Variants in DNER observed in about 807,000 individuals in gnomAD.
DNER encodes delta and Notch-like epidermal growth factor-related receptor.
A neutral mutation model predicts 78.2 loss-of-function variants in DNER; 33 were observed. The observed-to-expected ratio is 0.42, with a 90% CI of 0.32 to 0.56. DNER has a LOEUF of 0.56. DNER is among the 20% of genes least tolerant of loss of function. The pLI, the probability that DNER is intolerant of heterozygous loss-of-function variation, is 0.11. For synonymous variants in DNER, 417 were observed against 384.8 expected (o/e 1.08, Z -0.98); for missense variants, 918 against 975.3 (o/e 0.94, Z 0.78).
At chr2:229,551,561 G>A (rs946925283) in intron 4 of DNER, among the ~76,000 whole-genome samples, 2 of 152,142 alleles carry the variant, frequency 1.3e-5, no homozygotes, top group Non-Finnish European at 2.9e-5. Flanking sequence ...TTGAACGCAG[G>A]AGGCAGAGGT....
chr2:229,544,576 A>T (rs964008499), intron 5 of DNER, among the ~76,000 whole-genome samples: 10 of 151,860 alleles, frequency 6.6e-5, no homozygotes. Context: ...CTTGTTGCCC[A>T]GGCTGGAGGC....
chr2:229,672,974 G>A (rs1380415143), intron 1 of DNER, among the ~76,000 whole-genome samples: 2 of 152,190 alleles, frequency 1.3e-5, no homozygotes, highest in Non-Finnish European at 2.9e-5. Flanking sequence ...CGTTTTGAGA[G>A]CCGCCCTGTG....
At chr2:229,398,828 G>GA (rs1244938111) in intron 10 of DNER, among the ~76,000 whole-genome samples, 2 of 151,514 alleles carry the variant, frequency 1.3e-5, no homozygotes, top group South Asian at 2.1e-4. Flanking sequence ...ACAAGCCAAA[G>GA]AAAAAAATCA....
intron 1 of DNER, among the ~76,000 whole-genome samples, chr2:229,635,895 C>T (rs1698523288): frequency 6.6e-6 from 1 of 151,630 alleles, no homozygotes; most frequent in Admixed American, 6.6e-5. Context: ...TTACTTAATC[C>T]TCAAAAAAAC....
At chr2:229,523,329 G>A (rs1304617142) in intron 5 of DNER, among the ~76,000 whole-genome samples, 1 of 152,218 alleles carries the variant, frequency 6.6e-6, no homozygotes, top group Non-Finnish European at 1.5e-5. Context: ...CAGAGTAGGT[G>A]GCTTAAACAA....
At chr2:229,523,110 G>A (rs866778261) in intron 5 of DNER, among the ~76,000 whole-genome samples, 3 of 152,182 alleles carry the variant, frequency 2.0e-5, no homozygotes, top group African/African-American at 2.4e-5. Flanking sequence ...TGCACTGAGT[G>A]GGAATGGGAA....
At chr2:229,486,943 CTAAT>C (rs1214942755) in intron 6 of DNER, among the ~76,000 whole-genome samples, 1 of 152,122 alleles carries the variant, frequency 6.6e-6, no homozygotes, top group Non-Finnish European at 1.5e-5. Context: ...ACAGGTGATA[CTAAT>C]ACAAGGTACA....
chr2:229,650,722 C>T (rs565089189), intron 1 of DNER, among the ~76,000 whole-genome samples: 1 of 152,180 alleles, frequency 6.6e-6, no homozygotes, highest in Non-Finnish European at 1.5e-5. Flanking sequence ...GCTCTACTTA[C>T]CTGCCCAAAG....
chr2:229,411,390 C>G (rs1162607720), intron 9 of DNER, among the ~76,000 whole-genome samples: 1 of 152,072 alleles, frequency 6.6e-6, no homozygotes, highest in African/African-American at 2.4e-5. Flanking sequence ...AACCCCGTCT[C>G]TACTAAAAAT....
At chr2:229,512,560 T>C (rs1327270896) in intron 6 of DNER, among the ~76,000 whole-genome samples, 1 of 152,036 alleles carries the variant, frequency 6.6e-6, no homozygotes, top group African/African-American at 2.4e-5. Flanking sequence ...CTTTGGGGAC[T>C]CAGGGGGAAG....
intron 8 of DNER, among the ~76,000 whole-genome samples, chr2:229,424,369 T>C (rs1208103187): frequency 1.3e-5 from 2 of 152,256 alleles, no homozygotes; most frequent in Non-Finnish European, 2.9e-5. Context: ...CTGTGTGTTC[T>C]TCCTTCTTTC....
chr2:229,490,050 G>C (rs1695364821), intron 6 of DNER, among the ~76,000 whole-genome samples: 1 of 152,132 alleles, frequency 6.6e-6, no homozygotes, highest in Non-Finnish European at 1.5e-5. Context: ...AGAGACAAAG[G>C]AGGAGGAGAA....
intron 8 of DNER, among the ~76,000 whole-genome samples, chr2:229,444,229 T>C (rs1694293979): frequency 6.6e-6 from 1 of 152,172 alleles, no homozygotes; most frequent in Non-Finnish European, 1.5e-5. Context: ...AGCTCGAGAA[T>C]CCTGCTGGAA....
chr2:229,474,767 G>A (rs770593069), intron 7 of DNER, among the ~76,000 whole-genome samples: 1 of 151,976 alleles, frequency 6.6e-6, no homozygotes, highest in Non-Finnish European at 1.5e-5. Context: ...CCCCAGACTC[G>A]CTGCCTCACC....
At chr2:229,383,445 T>C (rs10933294) in intron 11 of DNER, among the ~76,000 whole-genome samples, 93,794 of 152,028 alleles carry the variant, frequency 0.62, 30,147 homozygotes, top group East Asian at 0.91. Flanking sequence ...GCTAAATGCC[T>C]CAATTAAAAG....
At chr2:229,702,895 G>C (rs929620846) in intron 1 of DNER, among the ~76,000 whole-genome samples, 10 of 144,330 alleles carry the variant, frequency 6.9e-5, no homozygotes, top group East Asian at 2.0e-4. Context: ...CCAGCCTGGG[G>C]GACACAGCGA....
intron 4 of DNER, among the ~76,000 whole-genome samples, chr2:229,550,573 G>A (rs778941930): frequency 1.3e-5 from 2 of 151,854 alleles, no homozygotes; most frequent in Non-Finnish European, 2.9e-5. Context: ...TCGGGAGATC[G>A]AGACCATCCT....
intron 1 of DNER, among the ~76,000 whole-genome samples, chr2:229,680,523 T>C (rs1436779037): frequency 2.6e-5 from 4 of 152,176 alleles, no homozygotes; most frequent in Admixed American, 1.3e-4. Flanking sequence ...AGTGCAGGTA[T>C]CACACAAGTG....
intron 1 of DNER, among the ~76,000 whole-genome samples, chr2:229,703,578 C>T (rs1413058713): frequency 6.6e-6 from 1 of 152,120 alleles, no homozygotes; most frequent in Non-Finnish European, 1.5e-5. Flanking sequence ...CTTTGAAAGA[C>T]CTTGTTAAGA....
Sources: gnomAD v4.1 joint callset for allele counts (sites outside exome capture counted in the v4.1 genomes callset) on GRCh38, gnomAD v4.1.1 for gene constraint, MANE v1.5 for transcripts, NCBI Gene and HGNC (gene_info 2026-07-23, HGNC 2026-07-21) for gene names.